DUSP16: variants seen among roughly 807,000 people sequenced by gnomAD.
DUSP16 encodes the protein dual specificity phosphatase 16.
A neutral mutation model predicts 58.3 loss-of-function variants in DUSP16; 21 were observed. That is an observed-to-expected ratio of 0.36 (90% CI 0.26 to 0.52). The LOEUF is 0.52. Among genes scored for constraint, DUSP16 ranks in the 20% least tolerant of loss-of-function variants. The pLI is 0.94. For missense variants in DUSP16, 726 were observed against 819.0 expected (o/e 0.89, Z 1.39); for synonymous variants, 320 against 323.8 (o/e 0.99, Z 0.12).
At chr12:12,515,810 C>G (rs1022591356) in intron 3 of DUSP16, among the ~76,000 whole-genome samples, 2 of 151,750 alleles carry the variant, frequency 1.3e-5, no homozygotes, top group African/African-American at 4.8e-5. Flanking sequence ...GAGTCTCACT[C>G]TGTTGCCTAC....
At chr12:12,532,990 T>C (rs1444524819) in intron 1 of DUSP16, among the ~76,000 whole-genome samples, 1 of 149,680 alleles carries the variant, frequency 6.7e-6, no homozygotes, top group Non-Finnish European at 1.5e-5. Context: ...ATGTAATGTA[T>C]GGAAATTAAT....
chr12:12,557,678 T>C (rs950581011), intron 1 of DUSP16, among the ~76,000 whole-genome samples: 2 of 152,206 alleles, frequency 1.3e-5, no homozygotes, highest in African/African-American at 4.8e-5. Flanking sequence ...ATAAGTGCAA[T>C]TTATCGACCC....
intron 3 of DUSP16, among the ~76,000 whole-genome samples, chr12:12,514,606 G>T (rs888126799): frequency 6.6e-6 from 1 of 152,058 alleles, no homozygotes; most frequent in East Asian, 1.9e-4. Flanking sequence ...GAAAAAACAA[G>T]AACAGGCCCG....
chr12:12,492,526 A>G lies in DUSP16; in HGVS notation c.532-5339T>C, dbSNP rs192435856. Among the ~76,000 whole-genome samples, 309 of 152,166 alleles carry G rather than the reference A, an allele frequency of 2.0e-3. 2 individuals are homozygous for G. Among genetic ancestry groups the G allele is most frequent in the Non-Finnish European group, 3.4e-3 (228 of 68,014 alleles). ...GCTTTGTGATTCTCCTTTCTCCTAC[A>G]TCAATTTTCCACTGTACAGGATCAT... On this transcript the variant is annotated intron_variant, in intron 4 of 6. Transcript: ENST00000298573.
intron 3 of DUSP16, among the ~76,000 whole-genome samples, chr12:12,518,287 G>A (rs1566017264): frequency 6.6e-6 from 1 of 152,150 alleles, no homozygotes; most frequent in East Asian, 1.9e-4. Context: ...GGCCGAGGCA[G>A]GCAGATCACC....
chr12:12,532,890 G>A (rs1944411928), intron 1 of DUSP16, among the ~76,000 whole-genome samples: 1 of 151,414 alleles, frequency 6.6e-6, no homozygotes, highest in Non-Finnish European at 1.5e-5. Flanking sequence ...GGAGGTTGCA[G>A]TGAGCCGGGA....
chr12:12,483,934 A>C (rs1337198866), intron 5 of DUSP16, among the ~76,000 whole-genome samples: 2 of 151,214 alleles, frequency 1.3e-5, no homozygotes, highest in African/African-American at 2.4e-5. Context: ...ACCATGGCTT[A>C]AAACCCCACA....
rs1944924034 is a variant in DUSP16, at chr12:12,562,568, GTGGGGTGGGGGGT to G, written c.-830_-818del. ...TAGAAAGAGGGGGAAAGGCGGGGGG[GTGGGGTGGGGGGT>G]TGGGGGAAAGAGAAAGAGTCGCTGG... On this transcript the variant is annotated 5_prime_UTR_variant, in exon 1 of 7. Transcript: ENST00000298573. Among the ~76,000 whole-genome samples, 1 of 146,482 alleles carries G rather than the reference GTGGGGTGGGGGGT, an allele frequency of 6.8e-6. No homozygotes were observed. The highest frequency in any genetic ancestry group is 6.8e-5 in the Admixed American group (1 of 14,784).
chr12:12,497,777 C>G (rs1943849694), intron 4 of DUSP16, among the ~76,000 whole-genome samples: 1 of 151,992 alleles, frequency 6.6e-6, no homozygotes, highest in Non-Finnish European at 1.5e-5. Context: ...CGAGACCATC[C>G]TGGCAAACAT....
chr12:12,505,107 G>A (rs1943973149), intron 3 of DUSP16, among the ~76,000 whole-genome samples: 1 of 152,142 alleles, frequency 6.6e-6, no homozygotes, highest in Admixed American at 6.5e-5. Flanking sequence ...TATGAGATAG[G>A]TGTTACTACT....
chr12:12,553,904 A>G (rs1330269422), intron 1 of DUSP16, among the ~76,000 whole-genome samples: 1 of 152,130 alleles, frequency 6.6e-6, no homozygotes, highest in African/African-American at 2.4e-5. Context: ...CTTATAGAAA[A>G]TGTCAAGTGC....
intron 3 of DUSP16, among the ~76,000 whole-genome samples, chr12:12,513,663 G>A (rs1484473292): frequency 6.6e-6 from 1 of 152,208 alleles, no homozygotes; most frequent in African/African-American, 2.4e-5. Context: ...AGGGAGTGCT[G>A]TGGAATTAAT....
chr12:12,524,470 T>G (rs1944275359), intron 1 of DUSP16, among the ~76,000 whole-genome samples: 1 of 152,244 alleles, frequency 6.6e-6, no homozygotes, highest in Non-Finnish European at 1.5e-5. Context: ...CTCTTTCATT[T>G]ACAGTTAGAG....
At chr12:12,491,018 G>A (rs568410543) in intron 4 of DUSP16, among the ~76,000 whole-genome samples, 3 of 152,272 alleles carry the variant, frequency 2.0e-5, no homozygotes, top group East Asian at 1.9e-4. Context: ...GGAGGCAGAC[G>A]TGCTACAGCA....
chr12:12,548,402 G>A (rs1944677610), intron 1 of DUSP16, among the ~76,000 whole-genome samples: 2 of 152,060 alleles, frequency 1.3e-5, no homozygotes, highest in Non-Finnish European at 2.9e-5. Flanking sequence ...TTGGGAGGCC[G>A]AGGCAGGCGG....
In DUSP16 at chr12:12,500,611, T is replaced by A. The variant is rs764452080; in HGVS notation, c.439A>T (p.Ile147Phe). The stretch of plus-strand genomic sequence containing the variant: ...GCAACAGGTAAGCAAGGCTGAGAAA[T>A]GCAGGTAGGGACTAGAGTGGATTTT... Reference protein sequence around the residue: ...EGKSTLVPTCISQPCLPVANI... With the variant: ...EGKSTLVPTCFSQPCLPVANI... The change falls in exon 4 of 7, where the codon ATT (isoleucine) becomes TTT (phenylalanine). Residue 147 changes from isoleucine (I) to phenylalanine (F), a missense_variant. Coordinates refer to ENST00000298573, the MANE Select transcript of DUSP16 (RefSeq NM_030640.3). 15 of 1,611,802 alleles carry A rather than the reference T, an allele frequency of 9.3e-6. No individual in the cohort carries two copies. In the Admixed American group the frequency reaches 2.5e-4, roughly 27 times the overall value.
intron 3 of DUSP16, among the ~76,000 whole-genome samples, chr12:12,518,121 A>T (rs1397895129): frequency 1.3e-5 from 2 of 152,246 alleles, no homozygotes; most frequent in African/African-American, 4.8e-5. Flanking sequence ...CTTGACCGAG[A>T]TGTTGAGTAA....
intron 3 of DUSP16, among the ~76,000 whole-genome samples, chr12:12,505,865 T>C (rs1407682480): frequency 6.6e-6 from 1 of 152,210 alleles, no homozygotes; most frequent in African/African-American, 2.4e-5. Context: ...TCAACTGATA[T>C]CTAGAACAAA....
intron 1 of DUSP16, among the ~76,000 whole-genome samples, chr12:12,530,650 T>C (rs931361814): frequency 6.6e-6 from 1 of 152,142 alleles, no homozygotes. Context: ...AGAGAGAAAC[T>C]GTGGTTCCTA....
Sources: gnomAD v4.1 joint callset for allele counts (sites outside exome capture counted in the v4.1 genomes callset) on GRCh38, gnomAD v4.1.1 for gene constraint, MANE v1.5 for transcripts, NCBI Gene and HGNC (gene_info 2026-07-23, HGNC 2026-07-21) for gene names.